Variants in COX10 observed in about 807,000 individuals in gnomAD.
COX10 encodes the protein cytochrome c oxidase assembly factor heme A:farnesyltransferase COX10, also known as protoheme IX farnesyltransferase, mitochondrial.
A neutral mutation model predicts 37.3 loss-of-function variants in COX10; 27 were observed. The observed-to-expected ratio is 0.72, with a 90% CI of 0.53 to 1.00. The LOEUF (loss-of-function observed/expected upper bound fraction) is 1.00, where lower values mean the gene tolerates loss of function less well. Among genes scored for constraint, COX10 ranks in the 50% least tolerant of loss-of-function variants. COX10 has a pLI of 0.00. For missense variants in COX10, 475 were observed against 563.2 expected, an observed-to-expected ratio of 0.84 and a Z score of 1.59; for synonymous variants, 222 against 229.1, an observed-to-expected ratio of 0.97 and a Z score of 0.28.
intron 4 of COX10, among the ~76,000 whole-genome samples, chr17:14,145,454 G>T (rs941664866): frequency 2.6e-5 from 4 of 152,028 alleles, no homozygotes; most frequent in Non-Finnish European, 5.9e-5. Flanking sequence ...TGCTGTGATG[G>T]GTCTTGACAG....
At chr17:14,200,391 A>G (rs1266842407) in intron 6 of COX10, among the ~76,000 whole-genome samples, 1 of 152,220 alleles carries the variant, frequency 6.6e-6, no homozygotes, top group Admixed American at 6.5e-5. Flanking sequence ...ATATAAAAAT[A>G]CATAGCATTT....
At chr17:14,167,164 AT>A (rs1408634430) in intron 5 of COX10, among the ~76,000 whole-genome samples, 1 of 152,176 alleles carries the variant, frequency 6.6e-6, no homozygotes, top group Non-Finnish European at 1.5e-5. Flanking sequence ...GTGGAGACAG[AT>A]ACGAAAGAAA....
At chr17:14,173,288 G>A (rs890578875) in intron 5 of COX10, among the ~76,000 whole-genome samples, 3 of 152,216 alleles carry the variant, frequency 2.0e-5, no homozygotes, top group Non-Finnish European at 4.4e-5. Flanking sequence ...GACCTCCTAG[G>A]TGGGAGAAAT....
intron 3 of COX10, among the ~76,000 whole-genome samples, chr17:14,095,733 G>A (rs901540170): frequency 6.6e-6 from 1 of 152,122 alleles, no homozygotes; most frequent in African/African-American, 2.4e-5. Context: ...CGGGCTCACT[G>A]GTTGTTGGTA....
At chr17:14,070,773 T>C (rs997265465) in intron 1 of COX10, among the ~76,000 whole-genome samples, 13 of 152,382 alleles carry the variant, frequency 8.5e-5, no homozygotes, top group African/African-American at 2.6e-4. Flanking sequence ...TGTTATTTTA[T>C]GGCTGTCTTC....
chr17:14,188,217 A>AAG (rs57817978), intron 5 of COX10, among the ~76,000 whole-genome samples: 3,445 of 149,342 alleles, frequency 0.023, 130 homozygotes, highest in African/African-American at 0.07. Context: ...CATAGGGAAA[A>AAG]AAAAAAATCT....
intron 5 of COX10, among the ~76,000 whole-genome samples, chr17:14,176,169 A>C (rs1905681928): frequency 1.3e-5 from 2 of 151,772 alleles, no homozygotes; most frequent in African/African-American, 2.4e-5. Context: ...TCAGCTCAAA[A>C]TTCAGGCTGG....
chr17:14,080,980 C>T (rs1373765989), intron 3 of COX10, among the ~76,000 whole-genome samples: 1 of 151,988 alleles, frequency 6.6e-6, no homozygotes, highest in East Asian at 1.9e-4. Flanking sequence ...TGCTTTGAAG[C>T]CATCTGGATT....
intron 5 of COX10, among the ~76,000 whole-genome samples, chr17:14,171,011 T>TA (rs1652576121): frequency 6.6e-6 from 1 of 152,010 alleles, no homozygotes. Flanking sequence ...GCTAATAACA[T>TA]AAAAAAGAAA....
intron 6 of COX10, among the ~76,000 whole-genome samples, chr17:14,198,455 C>T (rs1442130381): frequency 6.6e-6 from 1 of 152,080 alleles, no homozygotes; most frequent in African/African-American, 2.4e-5. Flanking sequence ...TCCCATGTTT[C>T]GGGAGTGTAT....
chr17:14,161,800 A>G (rs1398097759), intron 5 of COX10, among the ~76,000 whole-genome samples: 1 of 152,208 alleles, frequency 6.6e-6, no homozygotes, highest in East Asian at 1.9e-4. Flanking sequence ...CCTGAGCTGG[A>G]AAGCTCCTAG....
Position 14,143,632 on chromosome 17 carries a change from G to C in COX10, c.625-16245G>C, listed in dbSNP as rs570461824. Among the ~76,000 whole-genome samples, 4 of 152,222 alleles carry C rather than the reference G, an allele frequency of 2.6e-5. No individual in the cohort carries two copies. In the South Asian group the frequency reaches 6.2e-4, roughly 24 times the overall value. On this transcript the variant is annotated intron_variant, in intron 4 of 6. Coordinates refer to ENST00000261643, the MANE Select transcript of COX10 (RefSeq NM_001303.4). ...ATCACTTCTCTTGTCATTTGGGTAGGATCTGAAGTTCAAAAACAAACTGTA... is the reference window on the plus strand; with the variant it reads ...ATCACTTCTCTTGTCATTTGGGTAGCATCTGAAGTTCAAAAACAAACTGTA...
intron 4 of COX10, among the ~76,000 whole-genome samples, chr17:14,155,607 T>C (rs4493099): frequency 0.59 from 89,161 of 151,216 alleles, 26,717 homozygotes; most frequent in East Asian, 0.72. Context: ...CCCAGCTACT[T>C]GGGAGGCTGA....
intron 5 of COX10, among the ~76,000 whole-genome samples, chr17:14,160,681 G>A (rs554806422): frequency 6.6e-6 from 1 of 152,224 alleles, no homozygotes; most frequent in South Asian, 2.1e-4. Flanking sequence ...AAATAATAAA[G>A]GAAGCAAGTG....
chr17:14,094,209 T>C (rs989140483), intron 3 of COX10, among the ~76,000 whole-genome samples: 2 of 152,104 alleles, frequency 1.3e-5, no homozygotes, highest in Non-Finnish European at 2.9e-5. Flanking sequence ...CTTTTTATTT[T>C]AGAGCCAGTT....
At chr17:14,197,802 G>GT in intron 6 of COX10, among the ~76,000 whole-genome samples, 1 of 152,354 alleles carries the variant, frequency 6.6e-6, no homozygotes, top group South Asian at 2.1e-4. Flanking sequence ...GCTCTTTGTG[G>GT]TTGTTCTGTC....
chr17:14,087,777 T>G (rs1269962165), intron 3 of COX10, among the ~76,000 whole-genome samples: 1 of 151,756 alleles, frequency 6.6e-6, no homozygotes, highest in Non-Finnish European at 1.5e-5. Context: ...GCTTCTCCTC[T>G]CTGCATATGG....
intron 4 of COX10, among the ~76,000 whole-genome samples, chr17:14,128,273 G>A (rs188500063): frequency 2.0e-5 from 3 of 152,036 alleles, no homozygotes; most frequent in African/African-American, 7.2e-5. Flanking sequence ...TTGAGCATTT[G>A]CATTTTCAGC....
chr17:14,172,408 T>C (rs1360487105), intron 5 of COX10, among the ~76,000 whole-genome samples: 1 of 152,096 alleles, frequency 6.6e-6, no homozygotes, highest in African/African-American at 2.4e-5. Context: ...TTTCTCTGCA[T>C]CCTCATCAAC....
Sources: gnomAD v4.1 joint callset for allele counts (sites outside exome capture counted in the v4.1 genomes callset) on GRCh38, gnomAD v4.1.1 for gene constraint, MANE v1.5 for transcripts, NCBI Gene and HGNC (gene_info 2026-07-23, HGNC 2026-07-21) for gene names.